The following COL19A1 variants were observed in gnomAD, a reference collection of about 807,000 sequenced individuals.
The protein encoded by COL19A1 is collagen alpha-1(XIX) chain.
A neutral mutation model predicts 190.2 loss-of-function variants in COL19A1; 159 were observed. That is an observed-to-expected ratio of 0.84 (90% CI 0.73 to 0.95). COL19A1 has a LOEUF of 0.95. Among genes scored for constraint, COL19A1 ranks in the 40% least tolerant of loss-of-function variants. COL19A1 has a pLI of 0.00. For missense variants in COL19A1, 1,418 were observed against 1,431.9 expected (o/e 0.99, Z 0.16); for synonymous variants, 509 against 458.9 (o/e 1.11, Z -1.39).
chr6:69,923,518 G>A (rs1772139303), intron 4 of COL19A1, among the ~76,000 whole-genome samples: 1 of 152,108 alleles, frequency 6.6e-6, no homozygotes, highest in South Asian at 2.1e-4. Flanking sequence ...CTTTCCTGTG[G>A]ACATTAATTG....
chr6:69,906,215 A>C, intron 4 of COL19A1, among the ~76,000 whole-genome samples: 1 of 152,236 alleles, frequency 6.6e-6, no homozygotes, highest in East Asian at 1.9e-4. Flanking sequence ...TGAATATTTT[A>C]GATGAATGTT....
At chr6:70,071,586 T>G (rs1179957867) in intron 15 of COL19A1, among the ~76,000 whole-genome samples, 1 of 152,180 alleles carries the variant, frequency 6.6e-6, no homozygotes. Context: ...TACTTTGTCT[T>G]CTTGAAGCCC....
chr6:70,098,347 T>TA (rs1783413755), intron 15 of COL19A1: 4 of 467,534 alleles, frequency 8.6e-6, no homozygotes, highest in Non-Finnish European at 1.7e-5. Flanking sequence ...GCTCCTTTTT[T>TA]AAAAAACAGA....
chr6:70,207,502 T>C lies in COL19A1; in HGVS notation c.*228T>C. On this transcript the variant is annotated 3_prime_UTR_variant, in exon 51 of 51. Coordinates refer to ENST00000620364, the MANE Select transcript of COL19A1 (RefSeq NM_001858.6). ...TCCATATGTTTTGCTTTACAATTGC[T>C]ATGATTTTTACTCAGAGTTTTATAT... 1 of 320,444 alleles carries C rather than the reference T, an allele frequency of 3.1e-6. No individual in the cohort carries two copies. Among genetic ancestry groups the C allele is most frequent in the East Asian group, 5.2e-5 (1 of 19,288 alleles). The allele number at this position is 320,444 out of a possible 1,614,324, so 19.9% of individuals were successfully genotyped here. A position where few individuals can be genotyped will look rare whatever the true frequency, so the allele number is the denominator to read the frequency against.
intron 15 of COL19A1, among the ~76,000 whole-genome samples, chr6:70,079,264 T>C (rs1782089613): frequency 6.6e-6 from 1 of 152,150 alleles, no homozygotes. Context: ...AGAAAACACT[T>C]GAAGAAAACA....
intron 4 of COL19A1, among the ~76,000 whole-genome samples, chr6:69,906,745 C>G (rs576159012): frequency 6.6e-6 from 1 of 152,186 alleles, no homozygotes; most frequent in African/African-American, 2.4e-5. Context: ...CTCTGTATCT[C>G]TCTCATTCAA....
At chr6:69,910,114 T>C in intron 4 of COL19A1, among the ~76,000 whole-genome samples, 1 of 152,144 alleles carries the variant, frequency 6.6e-6, no homozygotes, top group East Asian at 1.9e-4. Flanking sequence ...AACCAATAAT[T>C]TCTTTTCACC....
chr6:69,991,201 A>C (rs777544219), intron 11 of COL19A1, among the ~76,000 whole-genome samples: 3 of 152,056 alleles, frequency 2.0e-5, no homozygotes, highest in Non-Finnish European at 2.9e-5. Context: ...AGCTCCATCC[A>C]TGTTGCTGCA....
At chr6:70,201,954 G>A (rs1248989671) in intron 49 of COL19A1, among the ~76,000 whole-genome samples, 1 of 152,174 alleles carries the variant, frequency 6.6e-6, no homozygotes, top group Non-Finnish European at 1.5e-5. Context: ...ATGCTCAGAA[G>A]ATGAAGTTAT....
At chr6:70,146,634 T>C (rs375261673) in intron 25 of COL19A1, 25 bp from the exon 26 acceptor site, 66 of 1,582,596 alleles carry the variant, frequency 4.2e-5, no homozygotes, top group Non-Finnish European at 5.3e-5. Flanking sequence ...GAAGAAGATA[T>C]GTATTCATAC....
chr6:69,941,339 A>G (rs1050933164), intron 9 of COL19A1, among the ~76,000 whole-genome samples: 2 of 152,182 alleles, frequency 1.3e-5, no homozygotes, highest in Non-Finnish European at 2.9e-5. Flanking sequence ...CTGGCATATT[A>G]TAGATATTCA....
At chr6:69,941,995 T>A (rs953892645) in intron 9 of COL19A1, among the ~76,000 whole-genome samples, 1 of 152,180 alleles carries the variant, frequency 6.6e-6, no homozygotes, top group South Asian at 2.1e-4. Flanking sequence ...CAGCACAATG[T>A]GCTAGTTTTT....
intron 7 of COL19A1, among the ~76,000 whole-genome samples, chr6:69,933,870 A>G (rs1395680878): frequency 6.6e-6 from 1 of 152,026 alleles, no homozygotes; most frequent in Non-Finnish European, 1.5e-5. Context: ...ACTAAAAAAG[A>G]TAAATGGGAC....
Position 70,210,052 on chromosome 6 carries a change from A to G in COL19A1, c.*2778A>G, listed in dbSNP as rs1342185508. The G allele has an allele frequency of 6.6e-6, 1 of 152,198 alleles. No homozygotes were observed. 9.4% of individuals were successfully genotyped at this position (152,198 alleles called of 1,614,324 possible). A position where few individuals can be genotyped will look rare whatever the true frequency, so the allele number is the denominator to read the frequency against. On this transcript the variant is annotated 3_prime_UTR_variant, in exon 51 of 51. Transcript: ENST00000620364. ...GTTTATTTCCACATAGATGTTAATG[A>G]TGTTCAAAGCAGGGGAGAAGAATTA...
rs998693986 is a variant in COL19A1 at position 70,000,638 on chromosome 6, G to T, written c.1027-22989G>T. On this transcript the variant is annotated intron_variant, in intron 11 of 50. Coordinates refer to ENST00000620364, the MANE Select transcript of COL19A1 (RefSeq NM_001858.6). Reference sequence around the variant, plus strand: ...TGATCGGTGATGTTGAGCTTTTTTCGTATGTTTGTTGCCCACATAAACGTC... The same window carrying T: ...TGATCGGTGATGTTGAGCTTTTTTCTTATGTTTGTTGCCCACATAAACGTC... Among the ~76,000 whole-genome samples the T allele has an allele frequency of 5.3e-5, 8 of 151,896 alleles. No individual in the cohort carries two copies. The East Asian group carries it at 1.5e-3, about 29-fold the overall frequency.
intron 16 of COL19A1, among the ~76,000 whole-genome samples, chr6:70,116,763 A>C (rs1784604596): frequency 6.6e-6 from 1 of 152,202 alleles, no homozygotes; most frequent in Non-Finnish European, 1.5e-5. Flanking sequence ...TCCAACAAGC[A>C]TTCTATCTGT....
chr6:70,114,311 T>G (rs143663074), intron 16 of COL19A1, among the ~76,000 whole-genome samples: 1 of 152,328 alleles, frequency 6.6e-6, no homozygotes, highest in African/African-American at 2.4e-5. Flanking sequence ...CCCATCATCC[T>G]TCTCACTGTG....
intron 12 of COL19A1, among the ~76,000 whole-genome samples, chr6:70,024,833 C>T (rs1029825164): frequency 6.6e-6 from 1 of 152,102 alleles, no homozygotes; most frequent in African/African-American, 2.4e-5. Context: ...ACCTGTAATA[C>T]ATCAGGACAC....
At chr6:69,944,298 GT>G (rs1159667093) in intron 9 of COL19A1, among the ~76,000 whole-genome samples, 35 of 152,170 alleles carry the variant, frequency 2.3e-4, no homozygotes, top group African/African-American at 8.4e-4. Flanking sequence ...TTCTTTCCCT[GT>G]TGGAAAATGA....
Sources: gnomAD v4.1 joint callset for allele counts (sites outside exome capture counted in the v4.1 genomes callset) on GRCh38, gnomAD v4.1.1 for gene constraint, MANE v1.5 for transcripts, NCBI Gene and HGNC (gene_info 2026-07-23, HGNC 2026-07-21) for gene names.